PCDHGA8: variants seen among roughly 807,000 people sequenced by gnomAD.
The protein encoded by PCDHGA8 is protocadherin gamma-A8.
PCDHGA8 carries 45 observed loss-of-function variants against 59.2 expected under a neutral mutation model. The ratio of observed to expected loss-of-function variants is 0.76; its 90% CI spans 0.60 to 0.98. PCDHGA8 has a LOEUF of 0.98. PCDHGA8 is among the 50% of genes least tolerant of loss of function. The pLI, the probability that PCDHGA8 is intolerant of heterozygous loss-of-function variation, is 0.00. For missense variants in PCDHGA8, 1,257 were observed against 1,196.2 expected, an observed-to-expected ratio of 1.05 and a Z score of -0.75; for synonymous variants, 531 against 519.0, an observed-to-expected ratio of 1.02 and a Z score of -0.32.
At chr5:141,408,588 A>G in intron 1 of PCDHGA8, 1 of 1,614,042 alleles carries the variant, frequency 6.2e-7, no homozygotes, top group Non-Finnish European at 8.5e-7. Context: ...GTTAATGACC[A>G]CGCCCCTCAA....
chr5:141,446,800 G>C (rs1332771959), intron 1 of PCDHGA8, among the ~76,000 whole-genome samples: 1 of 152,150 alleles, frequency 6.6e-6, no homozygotes, highest in African/African-American at 2.4e-5. Flanking sequence ...TTCTTCCATT[G>C]TGATCATCTA....
In PCDHGA8 at chr5:141,490,537, T is replaced by C; in HGVS notation, c.2425-4270T>C. On this transcript the variant is annotated intron_variant, in intron 1 of 3. Transcript: ENST00000398604. This position sits in a 1 kb window ranked among gnomAD's most constrained non-coding sequence, Gnocchi z 5.4. ...GCTGGCCAGCGATGCTGGTTCACCT[T>C]CCCTACACAAACATCTCACCATCAG... is the stretch of plus-strand genomic sequence containing the variant. 1.9e-6 allele frequency: 3 copies of C among 1,614,180 alleles called. No homozygotes were observed. The highest frequency in any genetic ancestry group is 8.5e-7 in the Non-Finnish European group (1 of 1,180,028).
At chr5:141,438,896 CCT>C (rs886177991) in intron 1 of PCDHGA8, among the ~76,000 whole-genome samples, 30 of 151,820 alleles carry the variant, frequency 2.0e-4, no homozygotes, top group Non-Finnish European at 7.4e-5. Context: ...GAACTCCTGA[CCT>C]CAGGTGATCC....
intron 1 of PCDHGA8, chr5:141,422,395 C>T: frequency 1.9e-6 from 3 of 1,596,286 alleles, no homozygotes; most frequent in South Asian, 1.1e-5. Context: ...TATTCCTAAC[C>T]ACCTGCCTTT....
In PCDHGA8 at chr5:141,477,453, A is replaced by T; in HGVS notation, c.2425-17354A>T. On this transcript the variant is annotated intron_variant, in intron 1 of 3. Transcript: ENST00000398604. This position sits in a 1 kb window ranked among gnomAD's most constrained non-coding sequence, Gnocchi z 4.9. Reference sequence around the variant, plus strand: ...TCAGCCCTTACAATAGTGCGTGTTCAAGTGTCCGACATCAATGACAACCCT... The same window carrying T: ...TCAGCCCTTACAATAGTGCGTGTTCTAGTGTCCGACATCAATGACAACCCT... The T allele has an allele frequency of 6.2e-7, 1 of 1,614,136 alleles. No homozygotes were observed. The highest frequency in any genetic ancestry group is 8.5e-7 in the Non-Finnish European group (1 of 1,180,026).
chr5:141,424,538 A>G (rs547426760), intron 1 of PCDHGA8: 37 of 152,340 alleles, frequency 2.4e-4, no homozygotes, highest in African/African-American at 8.9e-4. Context: ...TATAGAAATA[A>G]CTTGATTTTG....
In PCDHGA8 at chr5:141,485,233, C is replaced by T; in HGVS notation, c.2425-9574C>T. 1.2e-6 allele frequency: 2 copies of T among 1,614,182 alleles called. No individual in the cohort carries two copies. The highest frequency in any genetic ancestry group is 1.7e-6 in the Non-Finnish European group (2 of 1,180,030). ...GGCGGTGGGCTACCCTTTTGTTCCTCTTTTACCACCTGGGTTACGTTTGTG... is the reference window on the plus strand; with the variant it reads ...GGCGGTGGGCTACCCTTTTGTTCCTTTTTTACCACCTGGGTTACGTTTGTG... On this transcript the variant is annotated intron_variant, in intron 1 of 3. Transcript: ENST00000398604. This position sits in a 1 kb window ranked among gnomAD's most constrained non-coding sequence, Gnocchi z 5.7.
Position 141,491,454 on chromosome 5 carries a change from C to T in PCDHGA8, c.2425-3353C>T. The T allele has an allele frequency of 1.9e-6, 3 of 1,614,120 alleles. No individual in the cohort carries two copies. The highest frequency in any genetic ancestry group is 2.5e-6 in the Non-Finnish European group (3 of 1,180,032). On this transcript the variant is annotated intron_variant, in intron 1 of 3. Coordinates refer to ENST00000398604, the MANE Select transcript of PCDHGA8 (RefSeq NM_032088.2). This position sits in a 1 kb window ranked among gnomAD's most constrained non-coding sequence, Gnocchi z 6.9. ...GCTGCAGGCGCCAGGACTCACCCTCCCCGGACTTCTATAAGCAGTCCAGCC... is the reference window on the plus strand; with the variant it reads ...GCTGCAGGCGCCAGGACTCACCCTCTCCGGACTTCTATAAGCAGTCCAGCC...
At chr5:141,447,976 C>T (rs774074042) in intron 1 of PCDHGA8, among the ~76,000 whole-genome samples, 18 of 151,938 alleles carry the variant, frequency 1.2e-4, no homozygotes, top group Non-Finnish European at 2.5e-4. Flanking sequence ...ATCCCAGCTA[C>T]TCGGGAGGCT....
chr5:141,431,536 G>T lies in PCDHGA8; in HGVS notation c.2424+36299G>T. Reference sequence around the variant, plus strand: ...TTCCGGAGAATCTGGCCTTGGGCACGCAGCTGCTTGTAGTCAACGCTACCG... The same window carrying T: ...TTCCGGAGAATCTGGCCTTGGGCACTCAGCTGCTTGTAGTCAACGCTACCG... On this transcript the variant is annotated intron_variant, in intron 1 of 3. Coordinates refer to ENST00000398604, the MANE Select transcript of PCDHGA8 (RefSeq NM_032088.2). The surrounding 1 kb of genome is among the most constrained non-coding windows in gnomAD (Gnocchi z 4.8). 6.2e-7 allele frequency: 1 copy of T among 1,614,068 alleles called. No homozygotes were observed. Among genetic ancestry groups the T allele is most frequent in the Non-Finnish European group, 8.5e-7 (1 of 1,180,022 alleles).
Position 141,432,220 on chromosome 5 carries a change from C to T in PCDHGA8, c.2424+36983C>T. The T allele has an allele frequency of 6.2e-7, 1 of 1,614,246 alleles. No homozygotes were observed. Among genetic ancestry groups the T allele is most frequent in the Non-Finnish European group, 8.5e-7 (1 of 1,180,040 alleles). Reference sequence around the variant, plus strand: ...CCGACTGTGAAGAGAACGCCCAGATCACTTATTCCCTGGCTGAGAACACCA... The same window carrying T: ...CCGACTGTGAAGAGAACGCCCAGATTACTTATTCCCTGGCTGAGAACACCA... On this transcript the variant is annotated intron_variant, in intron 1 of 3. Coordinates refer to ENST00000398604, the MANE Select transcript of PCDHGA8 (RefSeq NM_032088.2). The surrounding 1 kb of genome is among the most constrained non-coding windows in gnomAD (Gnocchi z 6.0).
At chr5:141,423,090 G>A in intron 1 of PCDHGA8, 2 of 1,614,022 alleles carry the variant, frequency 1.2e-6, no homozygotes, top group Non-Finnish European at 1.7e-6. Flanking sequence ...TCGCGGTGGG[G>A]GAGCACACGG....
Position 141,409,135 on chromosome 5 carries a change from T to C in PCDHGA8, c.2424+13898T>C, listed in dbSNP as rs748247175. 3.1e-6 allele frequency: 5 copies of C among 1,614,026 alleles called. No homozygotes were observed. In the South Asian group the frequency reaches 3.3e-5, roughly 11 times the overall value. On this transcript the variant is annotated intron_variant, in intron 1 of 3. Coordinates refer to ENST00000398604, the MANE Select transcript of PCDHGA8 (RefSeq NM_032088.2). ...ATAACCAGTCATTTGATTTTGAAGA[T>C]GTAGAAAGGTACACCATGGAAGTGG...
rs964965013 is a variant in PCDHGA8 at position 141,489,097 on chromosome 5, C to G, written c.2425-5710C>G. The G allele has an allele frequency of 6.4e-6, 2 of 313,448 alleles. No homozygotes were observed. The highest frequency in any genetic ancestry group is 1.1e-4 in the South Asian group (2 of 18,596). 19.4% of individuals were successfully genotyped at this position (313,448 alleles called of 1,614,324 possible). The stretch of plus-strand genomic sequence containing the variant: ...ACCCCCGCCACTCGGTGACTAAGAA[C>G]TGCTGCAAGCAGGCAAACCTCCGAG... On this transcript the variant is annotated intron_variant, in intron 1 of 3. Coordinates refer to ENST00000398604, the MANE Select transcript of PCDHGA8 (RefSeq NM_032088.2). This position sits in a 1 kb window ranked among gnomAD's most constrained non-coding sequence, Gnocchi z 4.5.
rs1412265811 is a variant in PCDHGA8, at chr5:141,461,565, A to G, written c.2425-33242A>G. Among the ~76,000 whole-genome samples the G allele has an allele frequency of 2.6e-5, 4 of 152,178 alleles. No individual in the cohort carries two copies. The East Asian group carries it at 7.7e-4, about 29-fold the overall frequency. On this transcript the variant is annotated intron_variant, in intron 1 of 3. Coordinates refer to ENST00000398604, the MANE Select transcript of PCDHGA8 (RefSeq NM_032088.2). ...CCTTTGTCAGATGTGTACTTTGCAA[A>G]GATAATATTTTGGATGTTATATTTC...
At chr5:141,427,566 C>A (rs1218268757) in intron 1 of PCDHGA8, 1 of 659,032 alleles carries the variant, frequency 1.5e-6, no homozygotes, top group Non-Finnish European at 2.8e-6. Context: ...CAAGGGCAAG[C>A]CTCCGCTCTC....
rs756330109 is a variant in PCDHGA8, at chr5:141,432,621, T to A, written c.2424+37384T>A. ...GAGCCGGGACTCTTCTCGGTGGGTC[T>A]GCACACGGGCGAGGTGCGCACGGCG... On this transcript the variant is annotated intron_variant, in intron 1 of 3. Transcript: ENST00000398604. This position sits in a 1 kb window ranked among gnomAD's most constrained non-coding sequence, Gnocchi z 6.0. The A allele has an allele frequency of 3.1e-6, 5 of 1,612,942 alleles. No homozygotes were observed. Among genetic ancestry groups the A allele is most frequent in the Admixed American group, 1.7e-5 (1 of 59,962 alleles).
intron 2 of PCDHGA8, among the ~76,000 whole-genome samples, chr5:141,501,838 G>A (rs888418141): frequency 6.6e-6 from 1 of 152,000 alleles, no homozygotes; most frequent in African/African-American, 2.4e-5. Flanking sequence ...CACCTGTTTG[G>A]CCCTCAACCT....
At chr5:141,453,700 G>A (rs953445370) in intron 1 of PCDHGA8, among the ~76,000 whole-genome samples, 1 of 152,166 alleles carries the variant, frequency 6.6e-6, no homozygotes, top group Non-Finnish European at 1.5e-5. Flanking sequence ...TCCTGGCTTT[G>A]AACAGTTTCA....
Sources: allele counts gnomAD v4.1 joint callset (sites outside exome capture counted in the v4.1 genomes callset), GRCh38; gene constraint gnomAD v4.1.1; non-coding constraint Gnocchi (gnomAD v3.1); transcripts MANE v1.5; gene names NCBI Gene and HGNC (gene_info 2026-07-23, HGNC 2026-07-21).